The following VAT1L variants were observed in gnomAD, a reference collection of about 807,000 sequenced individuals.
The protein encoded by VAT1L is putative NADPH-dependent quinone oxidoreductase VAT1L.
A neutral mutation model predicts 44.1 loss-of-function variants in VAT1L; 34 were observed. That is an observed-to-expected ratio of 0.77 (90% CI 0.59 to 1.03). The LOEUF (loss-of-function observed/expected upper bound fraction) is 1.03, where lower values mean the gene tolerates loss of function less well. VAT1L is among the 50% of genes least tolerant of loss of function. VAT1L has a pLI of 0.00. For synonymous variants in VAT1L, 253 were observed against 202.2 expected (o/e 1.25, Z -2.13); for missense variants, 615 against 538.8 (o/e 1.14, Z -1.40).
rs550849672 is a variant in VAT1L, at chr16:77,933,644, G to A, written c.1078-38206G>A. Among the ~76,000 whole-genome samples the A allele has an allele frequency of 5.0e-4, 76 of 152,326 alleles. No individual in the cohort carries two copies. The South Asian group carries it at 8.1e-3, about 16-fold the overall frequency. ...GGGGAGTCAGGCAAAGCCTGAAGAG[G>A]TGATCTGAGGAGAAGAGGCTGAAGC... On this transcript the variant is annotated intron_variant, in intron 7 of 8. Transcript: ENST00000302536.
At chr16:77,791,816 G>T (rs1443858169) in intron 1 of VAT1L, among the ~76,000 whole-genome samples, 1 of 152,214 alleles carries the variant, frequency 6.6e-6, no homozygotes, top group Non-Finnish European at 1.5e-5. Context: ...AGCTCAAAAA[G>T]AACTGTTGCT....
intron 7 of VAT1L, among the ~76,000 whole-genome samples, chr16:77,965,855 T>C (rs2018217336): frequency 6.6e-6 from 1 of 152,212 alleles, no homozygotes; most frequent in Non-Finnish European, 1.5e-5. Context: ...GAAGCTATTG[T>C]GTGACAGATG....
At chr16:77,914,566 C>T (rs1051453777) in intron 7 of VAT1L, among the ~76,000 whole-genome samples, 1 of 152,160 alleles carries the variant, frequency 6.6e-6, no homozygotes, top group Non-Finnish European at 1.5e-5. Context: ...AAATACACCA[C>T]GTATATTACT....
In VAT1L at chr16:77,879,926, C is replaced by T. The variant is rs573670694; in HGVS notation, c.882+702C>T. Among the ~76,000 whole-genome samples the T allele has an allele frequency of 3.3e-5, 5 of 152,276 alleles. No individual in the cohort carries two copies. In the East Asian group the frequency reaches 9.6e-4, roughly 29 times the overall value. On this transcript the variant is annotated intron_variant, in intron 6 of 8. Coordinates refer to ENST00000302536, the MANE Select transcript of VAT1L (RefSeq NM_020927.3). This position sits in a 1 kb window ranked among gnomAD's most constrained non-coding sequence, Gnocchi z 4.1. ...GGTACTTGAGATTTCTCTGTCTCCC[C>T]ATCCTCTTGAATCGGAGATAGAAAT... is the stretch of plus-strand genomic sequence containing the variant.
At chr16:77,878,350 T>C (rs140402612) in intron 5 of VAT1L, among the ~76,000 whole-genome samples, 11 of 152,222 alleles carry the variant, frequency 7.2e-5, no homozygotes, top group African/African-American at 2.6e-4. Context: ...AAATAACTCC[T>C]CTCTGAGAAG....
intron 3 of VAT1L, among the ~76,000 whole-genome samples, chr16:77,859,059 C>A (rs1279510632): frequency 6.6e-6 from 1 of 151,418 alleles, no homozygotes; most frequent in African/African-American, 2.4e-5. Flanking sequence ...CGCTTGAACA[C>A]AGGAGGCAGA....
chr16:77,861,474 G>A (rs542028761), intron 3 of VAT1L, among the ~76,000 whole-genome samples: 1 of 152,196 alleles, frequency 6.6e-6, no homozygotes, highest in Non-Finnish European at 1.5e-5. Context: ...TAAAACTTGT[G>A]TTGACCTCTT....
At chr16:77,838,067 T>C (rs1463558501) in intron 3 of VAT1L, among the ~76,000 whole-genome samples, 2 of 152,174 alleles carry the variant, frequency 1.3e-5, no homozygotes, top group African/African-American at 4.8e-5. Context: ...ACTGGTGAGA[T>C]TGTCTCAAGC....
intron 7 of VAT1L, among the ~76,000 whole-genome samples, chr16:77,952,032 CTG>C (rs2018050607): frequency 6.6e-6 from 1 of 152,088 alleles, no homozygotes; most frequent in South Asian, 2.1e-4. Context: ...ATCAAGCCAT[CTG>C]TGTTTGCTAA....
At chr16:77,919,646 G>A (rs2017590054) in intron 7 of VAT1L, among the ~76,000 whole-genome samples, 1 of 152,172 alleles carries the variant, frequency 6.6e-6, no homozygotes, top group African/African-American at 2.4e-5. Flanking sequence ...CTGTGATAGA[G>A]AAGGACAAAG....
At chr16:77,804,023 G>C (rs2016112117) in intron 1 of VAT1L, among the ~76,000 whole-genome samples, 1 of 152,158 alleles carries the variant, frequency 6.6e-6, no homozygotes, top group Non-Finnish European at 1.5e-5. Context: ...TTATGGAACT[G>C]TCATGCCGTG....
intron 7 of VAT1L, among the ~76,000 whole-genome samples, chr16:77,927,950 ACT>A (rs2017688712): frequency 6.6e-6 from 1 of 152,088 alleles, no homozygotes; most frequent in Non-Finnish European, 1.5e-5. Context: ...TACAGTTCTG[ACT>A]CTCTTTCTGC....
intron 8 of VAT1L, among the ~76,000 whole-genome samples, chr16:77,973,764 C>T (rs966403522): frequency 2.0e-5 from 3 of 151,704 alleles, no homozygotes; most frequent in South Asian, 2.1e-4. Context: ...CTCGCTCTGT[C>T]GCCCAGGCTG....
In VAT1L at chr16:77,844,944, G is replaced by T. The variant is rs1030114002; in HGVS notation, c.580-17804G>T. On this transcript the variant is annotated intron_variant, in intron 3 of 8. Coordinates refer to ENST00000302536, the MANE Select transcript of VAT1L (RefSeq NM_020927.3). ...TACTGCACATTAAATCATCAAAGATGTCTTCACTGAGTGGGTGACATTTAA... is the reference window on the plus strand; with the variant it reads ...TACTGCACATTAAATCATCAAAGATTTCTTCACTGAGTGGGTGACATTTAA... Among the ~76,000 whole-genome samples, 66 of 152,206 alleles carry T rather than the reference G, an allele frequency of 4.3e-4. 1 individual carries two copies. Among genetic ancestry groups the T allele is most frequent in the Admixed American group, 2.6e-4 (4 of 15,288 alleles).
chr16:77,826,653 A>C (rs953606409), intron 3 of VAT1L, among the ~76,000 whole-genome samples: 10 of 152,142 alleles, frequency 6.6e-5, no homozygotes, highest in Non-Finnish European at 1.5e-4. Context: ...TGTATATTGC[A>C]TGCCTGCTAC....
intron 7 of VAT1L, among the ~76,000 whole-genome samples, chr16:77,919,712 C>T (rs985324967): frequency 2.0e-5 from 3 of 152,168 alleles, no homozygotes; most frequent in African/African-American, 7.2e-5. Flanking sequence ...GTTTGCAGAG[C>T]AAGAATTCAG....
intron 7 of VAT1L, among the ~76,000 whole-genome samples, chr16:77,970,865 C>T (rs1485483599): frequency 6.6e-6 from 1 of 152,222 alleles, no homozygotes; most frequent in African/African-American, 2.4e-5. Context: ...TCCTCAAAGG[C>T]AGGCACTGTA....
At position 77,946,276 on chromosome 16, in the gene VAT1L, G is replaced by GTTCTTTTTTTTTTTTTTTTTT. The variant is rs2017963114; in HGVS notation, c.1078-25571_1078-25551dup. Reference sequence around the variant, plus strand: ...CCTGTTCTGGACATCTAGGTTACTTGTTCTTTTTTTTTTTTTTTTTTTTTT... The same window carrying GTTCTTTTTTTTTTTTTTTTTT: ...CCTGTTCTGGACATCTAGGTTACTTGTTCTTTTTTTTTTTTTTTTTTTTCTTTTTTTTTTTTTTTTTTTTTT... On this transcript the variant is annotated intron_variant, in intron 7 of 8. Coordinates refer to ENST00000302536, the MANE Select transcript of VAT1L (RefSeq NM_020927.3). 5.9e-5 allele frequency among the ~76,000 whole-genome samples: 2 copies of GTTCTTTTTTTTTTTTTTTTTT among 33,862 alleles called. 1 individual carries two copies. Among genetic ancestry groups the GTTCTTTTTTTTTTTTTTTTTT allele is most frequent in the Non-Finnish European group, 1.1e-4 (2 of 17,648 alleles). 22.2% of individuals were successfully genotyped at this position (33,862 alleles called of 152,430 possible). A position where few individuals can be genotyped will look rare whatever the true frequency, so the allele number is the denominator to read the frequency against.
chr16:77,916,902 C>T (rs1338311257), intron 7 of VAT1L, among the ~76,000 whole-genome samples: 1 of 151,750 alleles, frequency 6.6e-6, no homozygotes, highest in African/African-American at 2.4e-5. Context: ...GTAGCGATTG[C>T]ACTCATGGTA....
Sources: allele counts gnomAD v4.1 joint callset (sites outside exome capture counted in the v4.1 genomes callset), GRCh38; gene constraint gnomAD v4.1.1; non-coding constraint Gnocchi (gnomAD v3.1); transcripts MANE v1.5; gene names NCBI Gene and HGNC (gene_info 2026-07-23, HGNC 2026-07-21).